The following CNIH3 variants were observed in gnomAD, a reference collection of about 807,000 sequenced individuals.
The protein encoded by CNIH3 is protein cornichon homolog 3.
Under a neutral mutation model 24.1 loss-of-function variants are expected in CNIH3, and 14 were observed. That is an observed-to-expected ratio of 0.58 (90% CI 0.38 to 0.91). CNIH3 has a LOEUF of 0.91. Among genes scored for constraint, CNIH3 ranks in the 40% least tolerant of loss-of-function variants. The pLI, the probability that CNIH3 is intolerant of heterozygous loss-of-function variation, is 0.00. For synonymous variants in CNIH3, 68 were observed against 73.8 expected (o/e 0.92, Z 0.40); for missense variants, 178 against 196.8 (o/e 0.90, Z 0.57).
chr1:224,719,724 G>A (rs1688613665), intron 3 of CNIH3, among the ~76,000 whole-genome samples: 1 of 152,194 alleles, frequency 6.6e-6, no homozygotes, highest in African/African-American at 2.4e-5. Flanking sequence ...CGAAGTTTCT[G>A]TAGTTTCTTA....
intron 1 of CNIH3, among the ~76,000 whole-genome samples, chr1:224,496,370 C>G (rs1391060887): frequency 6.6e-6 from 1 of 152,174 alleles, no homozygotes; most frequent in Non-Finnish European, 1.5e-5. Context: ...CAGCTCTGGC[C>G]CACCTAACTA....
chr1:224,518,935 T>C (rs1232230597), intron 1 of CNIH3, among the ~76,000 whole-genome samples: 1 of 152,194 alleles, frequency 6.6e-6, no homozygotes, highest in Non-Finnish European at 1.5e-5. Flanking sequence ...CTCTTAGTGG[T>C]ACCAATTATG....
chr1:224,682,743 A>G (rs1289720770), intron 2 of CNIH3, among the ~76,000 whole-genome samples: 4 of 152,204 alleles, frequency 2.6e-5, no homozygotes, highest in Non-Finnish European at 5.9e-5. Context: ...GAGCGGCTCT[A>G]GTCTGAGAGA....
chr1:224,435,089 A>G (rs993914390), intron 1 of CNIH3: 90 of 985,534 alleles, frequency 9.1e-5, no homozygotes, highest in Non-Finnish European at 1.0e-4. Flanking sequence ...CCGGGCGTGC[A>G]TGGGATGGCA....
At chr1:224,695,346 C>G (rs969578097) in intron 3 of CNIH3, among the ~76,000 whole-genome samples, 1 of 133,192 alleles carries the variant, frequency 7.5e-6, no homozygotes, top group African/African-American at 2.7e-5. Flanking sequence ...CTTAAAATCT[C>G]TCTCTTTCTA....
chr1:224,542,173 A>G (rs967243361), downstream of CNIH3, among the ~76,000 whole-genome samples: 3 of 152,242 alleles, frequency 2.0e-5, no homozygotes, highest in Admixed American at 1.3e-4. Flanking sequence ...TCCAGCTTCT[A>G]TGCATCATCA....
intron 3 of CNIH3, among the ~76,000 whole-genome samples, chr1:224,695,880 T>A (rs1347181871): frequency 6.6e-6 from 1 of 152,238 alleles, no homozygotes; most frequent in Non-Finnish European, 1.5e-5. Context: ...AGTTTTGCTA[T>A]GAGAAGTCAC....
chr1:224,545,602 T>A (rs759463038), intron 2 of CNIH3, among the ~76,000 whole-genome samples: 18 of 152,064 alleles, frequency 1.2e-4, no homozygotes, highest in Non-Finnish European at 1.8e-4. Context: ...AGGAAGGATA[T>A]AAAGGCAGTG....
At chr1:224,456,269 A>G (rs113068844) in intron 1 of CNIH3, among the ~76,000 whole-genome samples, 178 of 152,278 alleles carry the variant, frequency 1.2e-3, no homozygotes, top group African/African-American at 4.2e-3. Context: ...GCAACGTTCC[A>G]TCCACAAAAA....
chr1:224,692,908 C>T (rs1177144085), intron 3 of CNIH3, among the ~76,000 whole-genome samples: 4 of 152,270 alleles, frequency 2.6e-5, no homozygotes, highest in South Asian at 2.1e-4. Context: ...CTACGGATAC[C>T]GAAACCACAT....
intron 1 of CNIH3, among the ~76,000 whole-genome samples, chr1:224,509,228 C>T (rs567583129): frequency 9.2e-5 from 14 of 152,150 alleles, no homozygotes; most frequent in Admixed American, 2.0e-4. Context: ...GAGGCTGAGA[C>T]GCAAGAATTG....
rs558036487 is a variant in CNIH3 at position 224,460,794 on chromosome 1, T to C, written n.203+25932T>C. Among the ~76,000 whole-genome samples, 12 of 150,956 alleles carry C rather than the reference T, an allele frequency of 7.9e-5. No homozygotes were observed. The East Asian group carries it at 2.1e-3, about 27-fold the overall frequency. On this transcript the variant is annotated intron_variant and non_coding_transcript_variant, in intron 1 of 5. Transcript: ENST00000471578. ...TTGGGTTTTTTTTTTTTTAGATATG[T>C]GGTCTCATTTGGTCACCCAGGCTGG...
intron 5 of CNIH3, among the ~76,000 whole-genome samples, chr1:224,585,406 T>C (rs1681457333): frequency 6.6e-6 from 1 of 152,196 alleles, no homozygotes; most frequent in Non-Finnish European, 1.5e-5. Flanking sequence ...ACATGTGTGC[T>C]TCCAGAGCCA....
At chr1:224,536,764 A>G (rs1679302922) in intron 2 of CNIH3, among the ~76,000 whole-genome samples, 1 of 152,190 alleles carries the variant, frequency 6.6e-6, no homozygotes, top group Admixed American at 6.5e-5. Context: ...ACAAAGTTAG[A>G]AAGAAAGAAT....
intron 3 of CNIH3, among the ~76,000 whole-genome samples, chr1:224,724,380 A>T (rs1399523042): frequency 6.6e-6 from 1 of 152,220 alleles, no homozygotes; most frequent in East Asian, 1.9e-4. Flanking sequence ...GACGACCTTC[A>T]TCCAGAGTGA....
intron 1 of CNIH3, among the ~76,000 whole-genome samples, chr1:224,676,265 C>T (rs188759103): frequency 4.3e-4 from 65 of 152,140 alleles, no homozygotes; most frequent in African/African-American, 1.4e-3. Context: ...CTACATACTG[C>T]GTGATTCCAT....
intron 1 of CNIH3, among the ~76,000 whole-genome samples, chr1:224,485,105 G>A (rs1165616422): frequency 6.6e-6 from 1 of 152,038 alleles, no homozygotes; most frequent in Non-Finnish European, 1.5e-5. Flanking sequence ...CTTTATTTTG[G>A]GATGTAGTTG....
intron 3 of CNIH3, among the ~76,000 whole-genome samples, chr1:224,710,175 T>C (rs1688061722): frequency 6.6e-6 from 1 of 152,232 alleles, no homozygotes; most frequent in African/African-American, 2.4e-5. Flanking sequence ...GCTGAATTGC[T>C]TTACAGCATG....
intron 1 of CNIH3, among the ~76,000 whole-genome samples, chr1:224,675,543 T>A (rs1686095128): frequency 6.6e-6 from 1 of 152,218 alleles, no homozygotes; most frequent in African/African-American, 2.4e-5. Flanking sequence ...AGCCACAGCA[T>A]AGAAGACAAT....
Sources: gnomAD v4.1 joint callset for allele counts (sites outside exome capture counted in the v4.1 genomes callset) on GRCh38, gnomAD v4.1.1 for gene constraint, MANE v1.5 for transcripts, NCBI Gene and HGNC (gene_info 2026-07-23, HGNC 2026-07-21) for gene names.